Variants in PCDHGA1 observed in about 807,000 individuals in gnomAD.
PCDHGA1 encodes the protein protocadherin gamma subfamily A, 1.
Under a neutral mutation model 58.0 loss-of-function variants are expected in PCDHGA1, and 32 were observed. That is an observed-to-expected ratio of 0.55 (90% CI 0.42 to 0.74). The LOEUF (loss-of-function observed/expected upper bound fraction) is 0.74, where lower values mean the gene tolerates loss of function less well. PCDHGA1 is among the 30% of genes least tolerant of loss of function. PCDHGA1 has a pLI of 0.00. For synonymous variants in PCDHGA1, 498 were observed against 501.1 expected, an observed-to-expected ratio of 0.99 and a Z score of 0.08; for missense variants, 1,205 against 1,182.3, an observed-to-expected ratio of 1.02 and a Z score of -0.28.
rs759742074 is a variant in PCDHGA1 at position 141,403,012 on chromosome 5, G to T, written c.2421+69907G>T. On this transcript the variant is annotated intron_variant, in intron 1 of 3. Transcript: ENST00000517417. ...GATTAGTCCTGCTATGCTCGCTCCT[G>T]GGGATGCTATGGGAGGCCAGGGCCA... 8.1e-6 allele frequency: 13 copies of T among 1,614,072 alleles called. 1 individual carries two copies. The South Asian group carries it at 1.4e-4, about 18-fold the overall frequency.
chr5:141,455,787 C>T (rs1259121501), intron 1 of PCDHGA1, among the ~76,000 whole-genome samples: 2 of 152,004 alleles, frequency 1.3e-5, no homozygotes, highest in Non-Finnish European at 2.9e-5. Flanking sequence ...GAAACTTTTC[C>T]GGAGATGCTT....
Position 141,355,345 on chromosome 5 carries a change from G to C in PCDHGA1, c.2421+22240G>C. 6.2e-7 allele frequency: 1 copy of C among 1,614,020 alleles called. No homozygotes were observed. The highest frequency in any genetic ancestry group is 1.7e-5 in the Admixed American group (1 of 60,032). On this transcript the variant is annotated intron_variant, in intron 1 of 3. Coordinates refer to ENST00000517417, the MANE Select transcript of PCDHGA1 (RefSeq NM_018912.3). ...AGAAGGCTCAGTGGTGGGCAACATCGCCAAGGACCTGGGGTTGGCGCCCCG... is the reference window on the plus strand; with the variant it reads ...AGAAGGCTCAGTGGTGGGCAACATCCCCAAGGACCTGGGGTTGGCGCCCCG...
rs546241811 is a variant in PCDHGA1, at chr5:141,352,321, C to T, written c.2421+19216C>T. The stretch of plus-strand genomic sequence containing the variant: ...ACCCCCAGACGGAACTGCAGTTTTA[C>T]CTGGTTGTGGCCTTGGCCTTGATCT... On this transcript the variant is annotated intron_variant, in intron 1 of 3. Transcript: ENST00000517417. 212 of 1,614,078 alleles carry T rather than the reference C, an allele frequency of 1.3e-4. 3 individuals carry two copies. In the Middle Eastern group the frequency reaches 2.6e-3, roughly 20 times the overall value.
intron 1 of PCDHGA1, chr5:141,366,565 G>C: frequency 6.2e-7 from 1 of 1,614,252 alleles, no homozygotes; most frequent in Non-Finnish European, 8.5e-7. Flanking sequence ...GCGTGGATGG[G>C]GTTCGGGCTT....
rs1304361659 is a variant in PCDHGA1 at position 141,494,859 on chromosome 5, C to T, written c.2474C>T (p.Thr825Ile). 2 of 1,614,134 alleles carry T rather than the reference C, an allele frequency of 1.2e-6. No individual in the cohort carries two copies. The highest frequency in any genetic ancestry group is 8.5e-7 in the Non-Finnish European group (1 of 1,180,012). Reference protein sequence around the residue: ...WRFSQAQRPGTSGSQNGDDTG... With the variant: ...WRFSQAQRPGISGSQNGDDTG... Reference sequence around the variant, plus strand: ...TTCTCTCAGGCCCAGAGACCCGGCACCAGCGGGTAGGTGACTGATTCTCCA... The same window carrying T: ...TTCTCTCAGGCCCAGAGACCCGGCATCAGCGGGTAGGTGACTGATTCTCCA... Residue 825 changes from threonine to isoleucine, a missense_variant, in exon 2 of 4, where the codon ACC becomes ATC. By Grantham distance (89) the Thr-to-Ile change is moderately conservative. Coordinates refer to ENST00000517417, the MANE Select transcript of PCDHGA1 (RefSeq NM_018912.3).
At chr5:141,403,214 G>A in intron 1 of PCDHGA1, 5 of 1,613,990 alleles carry the variant, frequency 3.1e-6, no homozygotes, top group Non-Finnish European at 4.2e-6. Context: ...GGTCACCGCG[G>A]GTAGGATAGA....
chr5:141,393,111 C>A (rs762190466), intron 1 of PCDHGA1: 1 of 1,613,380 alleles, frequency 6.2e-7, no homozygotes, highest in African/African-American at 1.3e-5. Flanking sequence ...CGCTCAGAGC[C>A]CGCGGTGTCT....
chr5:141,408,446 G>C (rs371079756), intron 1 of PCDHGA1: 180 of 1,613,946 alleles, frequency 1.1e-4, no homozygotes, highest in Non-Finnish European at 1.5e-4. Context: ...CGCGGAGAGC[G>C]GGGACTTACT....
At position 141,489,871 on chromosome 5, in the gene PCDHGA1, G is replaced by C; in HGVS notation, c.2422-4936G>C. ...TGAAGCCCAGGCAAGACATCAGCTGGTGCTTACTGCTGTGGATGGGGGGAC... is the reference window on the plus strand; with the variant it reads ...TGAAGCCCAGGCAAGACATCAGCTGCTGCTTACTGCTGTGGATGGGGGGAC... On this transcript the variant is annotated intron_variant, in intron 1 of 3. Coordinates refer to ENST00000517417, the MANE Select transcript of PCDHGA1 (RefSeq NM_018912.3). The surrounding 1 kb of genome is among the most constrained non-coding windows in gnomAD (Gnocchi z 4.5). 1 of 1,614,206 alleles carries C rather than the reference G, an allele frequency of 6.2e-7. No individual in the cohort carries two copies.
intron 1 of PCDHGA1, chr5:141,364,734 A>T: frequency 6.2e-7 from 1 of 1,613,934 alleles, no homozygotes; most frequent in Non-Finnish European, 8.5e-7. Flanking sequence ...CGTTTCCGGG[A>T]TGAAGAGTTA....
At chr5:141,413,855 C>G (rs2095686270) in intron 1 of PCDHGA1, 1 of 1,613,206 alleles carries the variant, frequency 6.2e-7, no homozygotes, top group African/African-American at 1.3e-5. Flanking sequence ...CCTCTCCGAT[C>G]TGGCACTGTC....
At chr5:141,423,240 A>G (rs1260661059) in intron 1 of PCDHGA1, 1 of 1,613,932 alleles carries the variant, frequency 6.2e-7, no homozygotes, top group Middle Eastern at 1.6e-4. Context: ...GCATCCCCGA[A>G]GTCCTGGCGG....
intron 1 of PCDHGA1, chr5:141,374,138 C>G: frequency 6.2e-7 from 1 of 1,608,824 alleles, no homozygotes; most frequent in Non-Finnish European, 8.5e-7. Context: ...GCTCCTCACG[C>G]TCCTGGGGAC....
chr5:141,362,023 C>G (rs773499284), intron 1 of PCDHGA1: 2 of 1,607,808 alleles, frequency 1.2e-6, no homozygotes. Context: ...GCGCACAGCG[C>G]GTGCCTTGGG....
At chr5:141,385,619 T>C (rs1478717188) in intron 1 of PCDHGA1, 1 of 1,064,028 alleles carries the variant, frequency 9.4e-7, no homozygotes, top group Non-Finnish European at 1.2e-6. Flanking sequence ...ATTTTATACA[T>C]TGGAATGAAT....
At chr5:141,412,424 C>G (rs1383441983) in intron 1 of PCDHGA1, 1 of 152,136 alleles carries the variant, frequency 6.6e-6, no homozygotes, top group Non-Finnish European at 1.5e-5. Flanking sequence ...ATGTTTTACA[C>G]AAAAAGGTTA....
At chr5:141,444,288 C>T (rs2098430665) in intron 1 of PCDHGA1, among the ~76,000 whole-genome samples, 1 of 150,100 alleles carries the variant, frequency 6.7e-6, no homozygotes, top group South Asian at 2.1e-4. Flanking sequence ...TCTCCTGCCT[C>T]AGCCTCCCTA....
At chr5:141,375,066 G>C (rs1463444937) in intron 1 of PCDHGA1, 2 of 1,613,990 alleles carry the variant, frequency 1.2e-6, no homozygotes, top group East Asian at 2.2e-5. Flanking sequence ...CCAGGTCTTC[G>C]AGACAGAGCG....
At position 141,489,586 on chromosome 5, in the gene PCDHGA1, C is replaced by T; in HGVS notation, c.2422-5221C>T. 1 of 1,614,082 alleles carries T rather than the reference C, an allele frequency of 6.2e-7. No individual in the cohort carries two copies. The highest frequency in any genetic ancestry group is 8.5e-7 in the Non-Finnish European group (1 of 1,179,988). On this transcript the variant is annotated intron_variant, in intron 1 of 3. Coordinates refer to ENST00000517417, the MANE Select transcript of PCDHGA1 (RefSeq NM_018912.3). This position sits in a 1 kb window ranked among gnomAD's most constrained non-coding sequence, Gnocchi z 4.5. ...GGTGGTGACTGAACACCCCCTGGAG[C>T]TAATCCGTGTAGAGGTAGAGATCCT...
Sources: gnomAD v4.1 joint callset for allele counts (sites outside exome capture counted in the v4.1 genomes callset) on GRCh38, gnomAD v4.1.1 for gene constraint, Gnocchi (gnomAD v3.1) non-coding constraint, MANE v1.5 for transcripts, NCBI Gene and HGNC (gene_info 2026-07-23, HGNC 2026-07-21) for gene names.